The following TANC1 variants were observed in gnomAD, a reference collection of about 807,000 sequenced individuals.
TANC1 encodes tetratricopeptide repeat, ankyrin repeat and coiled-coil containing 1, also known as protein TANC1.
A neutral mutation model predicts 149.7 loss-of-function variants in TANC1; 77 were observed. The observed-to-expected ratio is 0.51, with a 90% confidence interval of 0.43 to 0.62. The LOEUF is 0.62. Ranked by LOEUF, TANC1 falls within the 20% of genes least tolerant of loss-of-function variation. The pLI is 0.00. For missense variants in TANC1, 1,985 were observed against 2,321.8 expected (o/e 0.85, Z 2.98); for synonymous variants, 854 against 925.0 (o/e 0.92, Z 1.39).
intron 7 of TANC1, among the ~76,000 whole-genome samples, chr2:159,161,858 A>G (rs2150393779): frequency 6.6e-6 from 1 of 152,340 alleles, no homozygotes; most frequent in South Asian, 2.1e-4. Flanking sequence ...CTGACCACAA[A>G]TGGAATTGAA....
chr2:159,152,092 G>T (rs1027797496), intron 7 of TANC1, among the ~76,000 whole-genome samples: 2 of 152,190 alleles, frequency 1.3e-5, no homozygotes, highest in African/African-American at 4.8e-5. Context: ...ATGGTGGGCT[G>T]AGTTTTGTGT....
At chr2:159,025,227 T>TTCTTTCTTTCTTTC (rs2039211915) in intron 2 of TANC1, among the ~76,000 whole-genome samples, 4 of 150,670 alleles carry the variant, frequency 2.7e-5, no homozygotes, top group African/African-American at 9.8e-5. Flanking sequence ...CTTTCTTTCT[T>TTCTTTCTTTCTTTC]TCTTTCTTTC....
At chr2:159,227,687 T>G in intron 24 of TANC1, 132 bp from the exon 25 acceptor site, 1 of 991,074 alleles carries the variant, frequency 1.0e-6, no homozygotes, top group East Asian at 2.6e-5. Context: ...CCTTGACACT[T>G]GTTTGGATGC....
intron 17 of TANC1, 83 bp downstream of exon 17, chr2:159,194,576 C>T (rs2057710900): frequency 4.2e-6 from 5 of 1,203,376 alleles, no homozygotes; most frequent in Non-Finnish European, 6.1e-6. Flanking sequence ...CTGGGCCAGA[C>T]TCTCTTGTCT....
chr2:159,026,588 T>C (rs1359356064), intron 2 of TANC1, among the ~76,000 whole-genome samples: 1 of 152,220 alleles, frequency 6.6e-6, no homozygotes, highest in Non-Finnish European at 1.5e-5. Flanking sequence ...TCCAGTGTCT[T>C]GAGGCTGCAT....
intron 15 of TANC1, 137 bp from the exon 16 acceptor site, chr2:159,186,765 G>A (rs1340774412): frequency 3.8e-6 from 4 of 1,049,506 alleles, no homozygotes; most frequent in Non-Finnish European, 5.6e-6. Context: ...CATTCTTTGT[G>A]TGTGACCCCG....
At chr2:159,018,131 G>A (rs2038462118) in intron 2 of TANC1, among the ~76,000 whole-genome samples, 1 of 152,136 alleles carries the variant, frequency 6.6e-6, no homozygotes, top group South Asian at 2.1e-4. Flanking sequence ...CTGGTTGAGA[G>A]AAAAGAGAGA....
chr2:159,036,881 G>A (rs2040233639), intron 2 of TANC1, among the ~76,000 whole-genome samples: 1 of 152,140 alleles, frequency 6.6e-6, no homozygotes, highest in Non-Finnish European at 1.5e-5. Context: ...ACCCAGTAAT[G>A]GGATGGCTGG....
intron 5 of TANC1, among the ~76,000 whole-genome samples, chr2:159,144,438 C>T (rs1024247666): frequency 1.3e-5 from 2 of 152,278 alleles, no homozygotes; most frequent in South Asian, 2.1e-4. Context: ...TACAGTGGCA[C>T]AATCTTGGCT....
rs756709695 is a variant in TANC1, at chr2:159,178,651, C to G, written c.1998C>G (p.His666Gln). 3 of 1,614,194 alleles carry G rather than the reference C, an allele frequency of 1.9e-6. No individual in the cohort carries two copies. In the Admixed American group the frequency reaches 5.0e-5, roughly 27 times the overall value. The change falls in exon 14 of 27, where the codon CAC (histidine) becomes CAG (glutamine). Residue 666 changes from histidine (H) to glutamine (Q), a missense_variant. Physicochemically the swap from His to Gln is conservative, Grantham distance 24 (BLOSUM62 0). Transcript: ENST00000263635. ...IHSDLHAYVQHRVHSSQDILS... is the reference protein window; with the variant it reads ...IHSDLHAYVQQRVHSSQDILS... Reference sequence around the variant, plus strand: ...GTGACCTGCACGCCTACGTCCAGCACAGGGTGCACAGCAGCCAGGACATCC... The same window carrying G: ...GTGACCTGCACGCCTACGTCCAGCAGAGGGTGCACAGCAGCCAGGACATCC...
chr2:159,062,686 G>A (rs920087248), intron 2 of TANC1, among the ~76,000 whole-genome samples: 1 of 152,060 alleles, frequency 6.6e-6, no homozygotes, highest in Non-Finnish European at 1.5e-5. Flanking sequence ...AGCAAAGCTC[G>A]GCCGGGCGCG....
At chr2:159,140,948 C>G (rs1295540914) in intron 5 of TANC1, among the ~76,000 whole-genome samples, 1 of 152,042 alleles carries the variant, frequency 6.6e-6, no homozygotes, top group Non-Finnish European at 1.5e-5. Context: ...GCCTTGGCCT[C>G]CCAAAGTGCC....
intron 16 of TANC1, among the ~76,000 whole-genome samples, chr2:159,188,977 T>C (rs1394269770): frequency 6.6e-6 from 1 of 152,252 alleles, no homozygotes; most frequent in Admixed American, 6.5e-5. Context: ...CCAAGACTGC[T>C]GCTCTGCCAC....
chr2:159,063,369 C>A (rs1330418631), intron 2 of TANC1, among the ~76,000 whole-genome samples: 2 of 152,182 alleles, frequency 1.3e-5, no homozygotes, highest in African/African-American at 4.8e-5. Context: ...TGACCATCCC[C>A]CTTTCAGTGG....
intron 1 of TANC1, among the ~76,000 whole-genome samples, chr2:158,979,663 A>G (rs527626083): frequency 6.6e-6 from 1 of 152,286 alleles, no homozygotes; most frequent in Non-Finnish European, 1.5e-5. Flanking sequence ...TAAATCCAGT[A>G]ATTTATTTTC....
At chr2:159,218,926 CT>C (rs1175969267) in intron 20 of TANC1, among the ~76,000 whole-genome samples, 1 of 152,180 alleles carries the variant, frequency 6.6e-6, no homozygotes, top group Non-Finnish European at 1.5e-5. Flanking sequence ...TCCCACGCCC[CT>C]GTGGCTGTCT....
At chr2:159,188,168 T>TGC (rs2057157725) in intron 16 of TANC1, among the ~76,000 whole-genome samples, 1 of 152,354 alleles carries the variant, frequency 6.6e-6, no homozygotes, top group South Asian at 2.1e-4. Context: ...TTCTTTTATC[T>TGC]TTCAAGGGGG....
chr2:158,972,313 G>T (rs1276014124), intron 1 of TANC1, among the ~76,000 whole-genome samples: 1 of 152,172 alleles, frequency 6.6e-6, no homozygotes, highest in African/African-American at 2.4e-5. Context: ...CAGCCTAATT[G>T]CAAAGCCTGG....
At chr2:159,200,264 G>A (rs1248519640) in intron 19 of TANC1, among the ~76,000 whole-genome samples, 2 of 152,176 alleles carry the variant, frequency 1.3e-5, no homozygotes, top group East Asian at 3.8e-4. Context: ...CTAGTGATAA[G>A]AGCCTCCTGG....
Sources: gnomAD v4.1 joint callset for allele counts (sites outside exome capture counted in the v4.1 genomes callset) on GRCh38, gnomAD v4.1.1 for gene constraint, MANE v1.5 for transcripts, NCBI Gene and HGNC (gene_info 2026-07-23, HGNC 2026-07-21) for gene names.